The following ANXA3 variants were observed in gnomAD, a reference collection of about 807,000 sequenced individuals.
ANXA3 encodes the protein annexin A3.
Under a neutral mutation model 48.8 loss-of-function variants are expected in ANXA3, and 46 were observed. The observed-to-expected ratio is 0.94, with a 90% CI of 0.74 to 1.21. ANXA3 has a LOEUF of 1.21. Ranked by LOEUF, ANXA3 falls within the 50% of genes most tolerant of loss-of-function variation. The probability of loss-of-function intolerance (pLI) is 0.00; values close to 1 mark genes in which losing one functional copy is unlikely to be tolerated. For missense variants in ANXA3, 383 were observed against 378.6 expected (o/e 1.01, Z -0.10); for synonymous variants, 128 against 134.7 (o/e 0.95, Z 0.35).
intron 4 of ANXA3, among the ~76,000 whole-genome samples, chr4:78,581,703 C>T (rs1723073231): frequency 6.6e-6 from 1 of 152,150 alleles, no homozygotes; most frequent in Admixed American, 6.5e-5. Flanking sequence ...CTTCTGATGC[C>T]ACCTAGTTCC....
At chr4:78,582,458 G>T in intron 5 of ANXA3, 168 bp downstream of exon 5, 2 of 507,400 alleles carry the variant, frequency 3.9e-6, no homozygotes, top group Non-Finnish European at 7.2e-6. Flanking sequence ...AGAACCTTAA[G>T]CCCAAATGTT....
chr4:78,600,955 T>C (rs1033128954), intron 10 of ANXA3, among the ~76,000 whole-genome samples: 7 of 152,168 alleles, frequency 4.6e-5, no homozygotes, highest in African/African-American at 1.7e-4. Flanking sequence ...TTAAGGCAAC[T>C]GAATTTAGAT....
chr4:78,593,982 T>C (rs1259684266), intron 7 of ANXA3, among the ~76,000 whole-genome samples: 1 of 152,152 alleles, frequency 6.6e-6, no homozygotes, highest in East Asian at 1.9e-4. Flanking sequence ...TTAATAAATG[T>C]ATAATGTCAT....
chr4:78,603,878 G>T (rs191851355), intron 11 of ANXA3: 27 of 153,878 alleles, frequency 1.8e-4, no homozygotes, highest in Non-Finnish European at 3.2e-4. Context: ...CCTTCCTCTT[G>T]TTGACTGTTT....
intron 12 of ANXA3, among the ~76,000 whole-genome samples, chr4:78,605,637 A>T (rs1174134846): frequency 2.6e-5 from 4 of 152,182 alleles, no homozygotes; most frequent in Admixed American, 2.0e-4. Context: ...TTTAGTTTTT[A>T]AAAAATCTGG....
chr4:78,601,631 A>C (rs757317207), intron 11 of ANXA3, 63 bp downstream of exon 11: 14 of 1,297,258 alleles, frequency 1.1e-5, no homozygotes, highest in Non-Finnish European at 1.5e-5. Context: ...AAGTATGCAA[A>C]TAGTAGAACA....
intron 3 of ANXA3, among the ~76,000 whole-genome samples, chr4:78,578,503 T>C (rs924251841): frequency 2.6e-4 from 40 of 152,226 alleles, no homozygotes; most frequent in African/African-American, 9.1e-4. Context: ...CACTCAGCAG[T>C]TGTGTGACTT....
At chr4:78,601,093 T>C (rs2109948831) in intron 10 of ANXA3, among the ~76,000 whole-genome samples, 1 of 152,286 alleles carries the variant, frequency 6.6e-6, no homozygotes, top group East Asian at 1.9e-4. Flanking sequence ...GCGTGCCTAA[T>C]GAGTTATTTG....
chr4:78,593,460 C>T (rs1373562174), intron 7 of ANXA3, among the ~76,000 whole-genome samples: 1 of 151,458 alleles, frequency 6.6e-6, no homozygotes, highest in Non-Finnish European at 1.5e-5. Context: ...CCTCAGCCTC[C>T]CAAAGTGCTG....
At chr4:78,596,094 G>A (rs1479916922) in intron 9 of ANXA3, among the ~76,000 whole-genome samples, 1 of 152,230 alleles carries the variant, frequency 6.6e-6, no homozygotes, top group African/African-American at 2.4e-5. Flanking sequence ...AGGCTGAGTA[G>A]ATTACCTAGT....
chr4:78,601,627 G>A (rs1194645683), intron 11 of ANXA3, 59 bp downstream of exon 11: 1 of 1,334,410 alleles, frequency 7.5e-7, no homozygotes, highest in Non-Finnish European at 1.1e-6. Context: ...GGGAAAGTAT[G>A]CAAATAGTAG....
chr4:78,577,633 CAGA>C (rs1722981415), intron 3 of ANXA3, among the ~76,000 whole-genome samples: 1 of 152,218 alleles, frequency 6.6e-6, no homozygotes, highest in African/African-American at 2.4e-5. Context: ...ACCAAGTACA[CAGA>C]AGCTTTTGCT....
intron 10 of ANXA3, among the ~76,000 whole-genome samples, chr4:78,600,372 A>G (rs1055495349): frequency 2.6e-5 from 4 of 152,214 alleles, no homozygotes; most frequent in African/African-American, 9.7e-5. Context: ...GCAGAAGGCA[A>G]GCTAAAGGGA....
intron 2 of ANXA3, among the ~76,000 whole-genome samples, chr4:78,571,616 A>G (rs1722842183): frequency 6.6e-6 from 1 of 152,198 alleles, no homozygotes; most frequent in Non-Finnish European, 1.5e-5. Flanking sequence ...CAGAGCCAAT[A>G]CTATTCAGTA....
At chr4:78,583,626 AAAG>A (rs910715213) in intron 5 of ANXA3, among the ~76,000 whole-genome samples, 59 of 150,876 alleles carry the variant, frequency 3.9e-4, no homozygotes, top group Non-Finnish European at 5.7e-4. Context: ...AAAAAAAAAA[AAAG>A]AAGAAGAAGA....
chr4:78,596,394 C>T (rs759793711), intron 9 of ANXA3, among the ~76,000 whole-genome samples: 18 of 152,186 alleles, frequency 1.2e-4, no homozygotes, highest in Admixed American at 1.0e-3. Flanking sequence ...TTGTGGGCAC[C>T]CGCCCTCTTG....
At chr4:78,578,288 A>AGAGAGAGAGC (rs772801274) in intron 3 of ANXA3, among the ~76,000 whole-genome samples, 1 of 105,012 alleles carries the variant, frequency 9.5e-6, no homozygotes, top group Non-Finnish European at 1.9e-5. Flanking sequence ...GGCGAAGGGG[A>AGAGAGAGAGC]GAGAGAGAGC....
intron 12 of ANXA3, among the ~76,000 whole-genome samples, chr4:78,609,753 G>A: frequency 6.6e-6 from 1 of 152,090 alleles, no homozygotes. Flanking sequence ...ACTAAAATTT[G>A]AAGTTTTTAT....
At chr4:78,568,746 A>G (rs953664306) in intron 2 of ANXA3, among the ~76,000 whole-genome samples, 5 of 152,228 alleles carry the variant, frequency 3.3e-5, no homozygotes, top group Non-Finnish European at 7.3e-5. Flanking sequence ...GGGCAATAGC[A>G]AACAGCTCCC....
Sources: gnomAD v4.1 joint callset for allele counts (sites outside exome capture counted in the v4.1 genomes callset) on GRCh38, gnomAD v4.1.1 for gene constraint, MANE v1.5 for transcripts, NCBI Gene and HGNC (gene_info 2026-07-23, HGNC 2026-07-21) for gene names.